Variants in DNAI2 observed in about 807,000 individuals in gnomAD.
DNAI2 encodes dynein axonemal intermediate chain 2.
Under a neutral mutation model 74.7 loss-of-function variants are expected in DNAI2, and 63 were observed. The observed-to-expected ratio is 0.84, with a 90% CI of 0.69 to 1.04. The LOEUF is 1.04. DNAI2 is among the 50% of genes least tolerant of loss of function. DNAI2 has a pLI of 0.00. For missense variants in DNAI2, 688 were observed against 803.2 expected (o/e 0.86, Z 1.73); for synonymous variants, 289 against 314.9 (o/e 0.92, Z 0.87).
intron 9 of DNAI2, 45 bp downstream of exon 9, chr17:74,305,487 G>A: frequency 6.3e-7 from 1 of 1,583,048 alleles, no homozygotes; most frequent in Non-Finnish European, 8.7e-7. Context: ...GGAGACAGGA[G>A]GGGATGGAGG....
chr17:74,290,070 C>T (rs1404389817), intron 5 of DNAI2, among the ~76,000 whole-genome samples: 1 of 152,194 alleles, frequency 6.6e-6, no homozygotes, highest in Non-Finnish European at 1.5e-5. Context: ...AATCCCAGCA[C>T]TTTGGGAGGC....
chr17:74,289,814 G>A, intron 5 of DNAI2, 78 bp downstream of exon 5: 1 of 1,594,130 alleles, frequency 6.3e-7, no homozygotes. Flanking sequence ...GGGAGGGAGG[G>A]GCAGGAGGTC....
Position 74,298,890 on chromosome 17 carries a change from C to A in DNAI2, c.725-828C>A, listed in dbSNP as rs139006875. Among the ~76,000 whole-genome samples the A allele has an allele frequency of 4.3e-3, 651 of 152,264 alleles. 3 individuals are homozygous for A. The highest frequency in any genetic ancestry group is 0.015 in the African/African-American group (608 of 41,542). ...CCTTTTGCCTCGGCCTCCTAATGCG[C>A]TAGGATTACAAGCATGAGCCACTGT... On this transcript the variant is annotated intron_variant, in intron 6 of 13. Transcript: ENST00000311014.
chr17:74,305,529 C>T lies in DNAI2; in HGVS notation c.1211+87C>T, dbSNP rs909228202. The T allele has an allele frequency of 7.9e-6, 10 of 1,258,594 alleles. No individual in the cohort carries two copies. The African/African-American group carries it at 1.5e-4, about 19-fold the overall frequency. 78.0% of individuals were successfully genotyped at this position (1,258,594 alleles called of 1,614,324 possible). ...AGCTGGGCCCCGGAGAGTCCCGAGC[C>T]TCCATATGTAAAATGGAGAAAAACC... On this transcript the variant is annotated intron_variant, in intron 9 of 13. Coordinates refer to ENST00000311014, the MANE Select transcript of DNAI2 (RefSeq NM_023036.6).
chr17:74,290,891 C>T (rs1409181123), intron 5 of DNAI2, 129 bp from the exon 6 acceptor site: 3 of 834,186 alleles, frequency 3.6e-6, no homozygotes, highest in African/African-American at 1.7e-5. Context: ...TGGGGAAAGA[C>T]TGGAGGGGCT....
chr17:74,281,620 A>G (rs2051390623), intron 1 of DNAI2, 187 bp from the exon 2 acceptor site: 3 of 624,258 alleles, frequency 4.8e-6, no homozygotes, highest in Non-Finnish European at 8.5e-6. Flanking sequence ...TGCTTAGCAT[A>G]TAGTCGGCAC....
Position 74,281,892 on chromosome 17 carries a change from C to G in DNAI2, c.75C>G (p.Ala25=), listed in dbSNP as rs749172812. 14 of 1,614,006 alleles carry G rather than the reference C, an allele frequency of 8.7e-6. No individual in the cohort carries two copies. The highest frequency in any genetic ancestry group is 1.1e-5 in the Non-Finnish European group (13 of 1,180,042). ...GKQCNFSDRQ[A]ELNIDIMPNP... ...AGTGCAATTTCTCGGACCGCCAGGC[C>G]GAGCTGAACATCGACATCATGCCCA... The change falls in exon 2 of 14, where the codon GCC becomes GCG. Residue 25 remains alanine (A), a synonymous_variant. Transcript: ENST00000311014.
chr17:74,305,336 G>T lies in DNAI2; in HGVS notation c.1105G>T (p.Ala369Ser), dbSNP rs1263482357. ...CCCGGGCCATCATGGCCCCATCTACGCCCTCCAGAGAAACCCCTTCTACCC... is the reference window on the plus strand; with the variant it reads ...CCCGGGCCATCATGGCCCCATCTACTCCCTCCAGAGAAACCCCTTCTACCC... ...TFPGHHGPIY[A>S]LQRNPFYPKN... Residue 369 changes from alanine (A) to serine (S), a missense_variant, in exon 9 of 14, where the codon GCC (alanine) becomes TCC (serine). By Grantham distance (99) the Ala-to-Ser change is moderately conservative. Coordinates refer to ENST00000311014, the MANE Select transcript of DNAI2 (RefSeq NM_023036.6). The T allele has an allele frequency of 1.9e-6, 3 of 1,614,036 alleles. No homozygotes were observed. The highest frequency in any genetic ancestry group is 1.7e-6 in the Non-Finnish European group (2 of 1,180,046).
At chr17:74,297,419 C>A (rs1205237456) in intron 6 of DNAI2, among the ~76,000 whole-genome samples, 38 of 141,566 alleles carry the variant, frequency 2.7e-4, no homozygotes, top group Non-Finnish European at 5.0e-4. Flanking sequence ...GAGACAGGGT[C>A]TTGCTCTGTC....
chr17:74,276,602 A>G (rs1162952403), intron 1 of DNAI2, among the ~76,000 whole-genome samples: 1 of 152,024 alleles, frequency 6.6e-6, no homozygotes, highest in African/African-American at 2.4e-5. Flanking sequence ...GGGTCCTTGA[A>G]TGGGTTGTCT....
At chr17:74,292,095 C>T (rs1160392062) in intron 6 of DNAI2, among the ~76,000 whole-genome samples, 1 of 152,152 alleles carries the variant, frequency 6.6e-6, no homozygotes, top group African/African-American at 2.4e-5. Context: ...AAATTCCTGA[C>T]CTCAAGTGAT....
Position 74,310,830 on chromosome 17 carries a change from G to C in DNAI2, c.1494+667G>C, listed in dbSNP as rs185029734. ...GCTGGGATTATAGGCGTGAGCCACC[G>C]TGCCCAGCCTAATTATTTTATTTAT... On this transcript the variant is annotated intron_variant, in intron 11 of 13. Transcript: ENST00000311014. 3.3e-3 allele frequency among the ~76,000 whole-genome samples: 503 copies of C among 151,440 alleles called. 2 individuals are homozygous for C. Among genetic ancestry groups the C allele is most frequent in the Admixed American group, 4.7e-3 (72 of 15,236 alleles).
At position 74,285,044 on chromosome 17, in the gene DNAI2, A is replaced by C. The variant is rs1490898570; in HGVS notation, c.188A>C (p.Asn63Thr). The C allele has an allele frequency of 2.5e-6, 4 of 1,614,116 alleles. No individual in the cohort carries two copies. Among genetic ancestry groups the C allele is most frequent in the Non-Finnish European group, 3.4e-6 (4 of 1,180,024 alleles). ...CSISMSEHEA[N>T]SERFEMETRG... is the part of the protein sequence containing the mutation. The stretch of plus-strand genomic sequence containing the variant: ...CTCCTGCGGCTCTCTGTTTAGGCCA[A>C]CTCAGAGCGGTTTGAGATGGAGACC... The change falls in exon 3 of 14, where the codon AAC (asparagine) becomes ACC (threonine). Residue 63 changes from asparagine (N) to threonine (T), a missense_variant. Coordinates refer to ENST00000311014, the MANE Select transcript of DNAI2 (RefSeq NM_023036.6).
In DNAI2 at chr17:74,314,082, C is replaced by G. The variant is rs760813607; in HGVS notation, c.1723-39C>G. Reference sequence around the variant, plus strand: ...CAGGGGAGTGGGGAAGGCCTGTCCCCTACCAACACCAACACTTCTGTGCTG... The same window carrying G: ...CAGGGGAGTGGGGAAGGCCTGTCCCGTACCAACACCAACACTTCTGTGCTG... On this transcript the variant is annotated intron_variant, in intron 12 of 13. Transcript: ENST00000311014. 4 of 1,612,486 alleles carry G rather than the reference C, an allele frequency of 2.5e-6. No homozygotes were observed. The East Asian group carries it at 8.9e-5, about 36-fold the overall frequency.
Position 74,314,241 on chromosome 17 carries a change from A to G in DNAI2, c.*25A>G, listed in dbSNP as rs903587964. On this transcript the variant is annotated 3_prime_UTR_variant, in exon 13 of 14. Transcript: ENST00000311014. ...GAAGTCAGCCTTCGACTGCGGCGCT[A>G]TCCCTGTGTGCCTTCCTTTCCCACC... 7 of 1,613,524 alleles carry G rather than the reference A, an allele frequency of 4.3e-6. No individual in the cohort carries two copies. Among genetic ancestry groups the G allele is most frequent in the African/African-American group, 4.0e-5 (3 of 74,930 alleles).
chr17:74,285,993 AG>A, intron 3 of DNAI2, among the ~76,000 whole-genome samples: 1 of 151,212 alleles, frequency 6.6e-6, no homozygotes, highest in South Asian at 2.1e-4. Flanking sequence ...AGAGAGAGAG[AG>A]AGATTAATAA....
At chr17:74,307,813 T>C (rs1182057248) in intron 9 of DNAI2, among the ~76,000 whole-genome samples, 8 of 152,298 alleles carry the variant, frequency 5.3e-5, no homozygotes. Context: ...GTTTCTTTTT[T>C]TGGGGGGATG....
At chr17:74,297,647 G>A (rs2052527411) in intron 6 of DNAI2, among the ~76,000 whole-genome samples, 2 of 151,340 alleles carry the variant, frequency 1.3e-5, no homozygotes. Context: ...CTCCCAAAGT[G>A]CTGGGATTAC....
At chr17:74,312,507 C>A (rs1353583217) in intron 12 of DNAI2, among the ~76,000 whole-genome samples, 1 of 152,066 alleles carries the variant, frequency 6.6e-6, no homozygotes, top group Non-Finnish European at 1.5e-5. Flanking sequence ...GGTGAAAATG[C>A]GTGTTGAGTG....
Sources: allele counts gnomAD v4.1 joint callset (sites outside exome capture counted in the v4.1 genomes callset), GRCh38; gene constraint gnomAD v4.1.1; transcripts MANE v1.5; gene names NCBI Gene and HGNC (gene_info 2026-07-23, HGNC 2026-07-21).